The following FBXO7 variants were observed in gnomAD, a reference collection of about 807,000 sequenced individuals.
FBXO7 encodes the protein F-box protein 7.
A neutral mutation model predicts 50.2 loss-of-function variants in FBXO7; 31 were observed. The ratio of observed to expected loss-of-function variants is 0.62; its 90% CI spans 0.46 to 0.83. FBXO7 has a LOEUF of 0.83. FBXO7 is among the 40% of genes least tolerant of loss of function. The pLI, the probability that FBXO7 is intolerant of heterozygous loss-of-function variation, is 0.00. For synonymous variants in FBXO7, 256 were observed against 253.1 expected, an observed-to-expected ratio of 1.01 and a Z score of -0.11; for missense variants, 667 against 646.6, an observed-to-expected ratio of 1.03 and a Z score of -0.34.
chr22:32,491,094 G>T lies in FBXO7; in HGVS notation c.880G>T (p.Val294Leu), dbSNP rs1405706757. The T allele has an allele frequency of 6.2e-7, 1 of 1,611,598 alleles. No homozygotes were observed. The highest frequency in any genetic ancestry group is 1.3e-5 in the African/African-American group (1 of 74,862). ...FICKEKLGEN[V>L]ANIYKDLQKL... ...TTTAAAAAATATTCTAGGGGAAAATGTAGCCAACATATACAAAGATCTTCA... is the reference window on the plus strand; with the variant it reads ...TTTAAAAAATATTCTAGGGGAAAATTTAGCCAACATATACAAAGATCTTCA... The change falls in exon 6 of 9, where the codon GTA becomes TTA. Residue 294 changes from valine (V) to leucine (L), a missense_variant. By Grantham distance (32) the Val-to-Leu change is conservative (BLOSUM62 1). Coordinates refer to ENST00000266087, the MANE Select transcript of FBXO7 (RefSeq NM_012179.4).
At chr22:32,491,038 T>G (rs780890626) in intron 5 of FBXO7, 48 bp from the exon 6 acceptor site, 1 of 1,366,826 alleles carries the variant, frequency 7.3e-7, no homozygotes, top group Non-Finnish European at 1.0e-6. Flanking sequence ...AGAGGACAGT[T>G]TTTTCACTTG....
intron 2 of FBXO7, among the ~76,000 whole-genome samples, chr22:32,482,373 A>G (rs144054290): frequency 6.6e-6 from 1 of 152,202 alleles, no homozygotes; most frequent in Non-Finnish European, 1.5e-5. Context: ...AACCTTTTAC[A>G]TATACTGTGT....
intron 8 of FBXO7, among the ~76,000 whole-genome samples, chr22:32,496,664 A>G (rs1217189438): frequency 6.6e-6 from 1 of 152,238 alleles, no homozygotes; most frequent in Non-Finnish European, 1.5e-5. Context: ...ACTACTGCTC[A>G]TTGACAATGC....
intron 1 of FBXO7, 153 bp downstream of exon 1, chr22:32,475,277 C>T: frequency 6.3e-7 from 1 of 1,585,510 alleles, no homozygotes; most frequent in Admixed American, 1.8e-5. Flanking sequence ...CACGGGAGGC[C>T]CGGGCTCTTC....
intron 8 of FBXO7, among the ~76,000 whole-genome samples, chr22:32,496,944 T>G (rs1031104772): frequency 6.6e-6 from 1 of 152,190 alleles, no homozygotes; most frequent in African/African-American, 2.4e-5. Context: ...GATAAAAATA[T>G]CAACAGGAGT....
chr22:32,490,690 C>T (rs947876804), intron 5 of FBXO7: 2 of 186,144 alleles, frequency 1.1e-5, no homozygotes, highest in African/African-American at 4.8e-5. Flanking sequence ...GATACATAGT[C>T]ATCATGCGAT....
chr22:32,485,150 G>A lies in FBXO7; in HGVS notation c.728G>A (p.Cys243Tyr), dbSNP rs758075327. The A allele has an allele frequency of 5.0e-6, 8 of 1,614,192 alleles. No individual in the cohort carries two copies. The highest frequency in any genetic ancestry group is 4.4e-5 in the South Asian group (4 of 91,086). Residue 243 changes from cysteine to tyrosine, a missense_variant, in exon 4 of 9, where the codon TGC (cysteine) becomes TAC (tyrosine). Coordinates refer to ENST00000266087, the MANE Select transcript of FBXO7 (RefSeq NM_012179.4). ...VYKLQYMHPL[C>Y]EGSSATLTCV... is the part of the protein sequence containing the mutation. Reference sequence around the variant, plus strand: ...AAGCTGCAGTACATGCATCCTCTCTGCGAGGGCAGCTCCGCTACTCTCACC... The same window carrying A: ...AAGCTGCAGTACATGCATCCTCTCTACGAGGGCAGCTCCGCTACTCTCACC...
At chr22:32,480,317 C>T (rs1031317559) in intron 2 of FBXO7, among the ~76,000 whole-genome samples, 2 of 152,148 alleles carry the variant, frequency 1.3e-5, no homozygotes, top group African/African-American at 4.8e-5. Flanking sequence ...ACCTAGTGCT[C>T]AAGGCTTTCT....
At chr22:32,482,296 C>G (rs975673640) in intron 2 of FBXO7, among the ~76,000 whole-genome samples, 2 of 152,134 alleles carry the variant, frequency 1.3e-5, no homozygotes, top group Non-Finnish European at 2.9e-5. Context: ...TTCCATAAGC[C>G]CTAGGGCTTA....
chr22:32,485,083 G>A lies in FBXO7; in HGVS notation c.661G>A (p.Ala221Thr), dbSNP rs901331947. Reference protein sequence around the residue: ...GYIPQGTEAKALSMPEKWKLS... With the variant: ...GYIPQGTEAKTLSMPEKWKLS... ...CGTTCCCCAGGGCACCGAAGCCAAA[G>A]CACTGTCCATGCCGGAGAAGTGGAA... is the stretch of plus-strand genomic sequence containing the variant. The change falls in exon 4 of 9, where the codon GCA becomes ACA. Residue 221 changes from alanine to threonine, a missense_variant. Ala to Thr is a moderately conservative substitution (Grantham distance 58, BLOSUM62 0). Coordinates refer to ENST00000266087, the MANE Select transcript of FBXO7 (RefSeq NM_012179.4). 2 of 1,614,150 alleles carry A rather than the reference G, an allele frequency of 1.2e-6. No homozygotes were observed. The highest frequency in any genetic ancestry group is 1.7e-6 in the Non-Finnish European group (2 of 1,180,024).
At position 32,498,224 on chromosome 22, in the gene FBXO7, C is replaced by T. The variant is rs774194330; in HGVS notation, c.1263C>T (p.Thr421=). 1 of 1,614,224 alleles carries T rather than the reference C, an allele frequency of 6.2e-7. No homozygotes were observed. The change falls in exon 9 of 9, where the codon ACC becomes ACT. Residue 421 remains threonine, a synonymous_variant. Coordinates refer to ENST00000266087, the MANE Select transcript of FBXO7 (RefSeq NM_012179.4). The part of the protein sequence containing the change: ...FVMLLPSSTH[T]IPFYPNPLHP... ...TGCTCCTGCCATCGTCAACTCACAC[C>T]ATTCCATTCTATCCCAACCCCTTGC...
In FBXO7 at chr22:32,479,063, G is replaced by A. The variant is rs199881041; in HGVS notation, c.205G>A (p.Val69Ile). Reference sequence around the variant, plus strand: ...AGAGACCTTGGCTTCATATGGGATTGTTTCTGGGGACTTGATATGTTTGAT... The same window carrying A: ...AGAGACCTTGGCTTCATATGGGATTATTTCTGGGGACTTGATATGTTTGAT... ...DEETLASYGI[V>I]SGDLICLILQ... The change falls in exon 2 of 9, where the codon GTT becomes ATT. Residue 69 changes from valine (V) to isoleucine (I), a missense_variant. By Grantham distance (29) the Val-to-Ile change is conservative. Transcript: ENST00000266087. 1.2e-5 allele frequency: 19 copies of A among 1,614,186 alleles called. No individual in the cohort carries two copies. Among genetic ancestry groups the A allele is most frequent in the Non-Finnish European group, 1.6e-5 (19 of 1,180,020 alleles).
chr22:32,491,322 T>C, intron 6 of FBXO7, 141 bp downstream of exon 6: 1 of 650,920 alleles, frequency 1.5e-6, no homozygotes, highest in East Asian at 2.8e-5. Context: ...AGCTTAATAT[T>C]CCTTAAGTGC....
Position 32,498,134 on chromosome 22 carries a change from T to C in FBXO7, c.1183-10T>C. 1 of 1,614,118 alleles carries C rather than the reference T, an allele frequency of 6.2e-7. No homozygotes were observed. The highest frequency in any genetic ancestry group is 8.5e-7 in the Non-Finnish European group (1 of 1,179,990). ...CTTATCTTGTTCTTTTATTTTTCTT[T>C]TTTCTACAGCTGTACAGGAAGAGGC... On this transcript the variant is annotated splice_polypyrimidine_tract_variant and intron_variant, in intron 8 of 8. Coordinates refer to ENST00000266087, the MANE Select transcript of FBXO7 (RefSeq NM_012179.4).
chr22:32,475,282 C>T (rs2057419336), intron 1 of FBXO7, 158 bp downstream of exon 1: 1 of 1,589,462 alleles, frequency 6.3e-7, no homozygotes, highest in Non-Finnish European at 8.5e-7. Context: ...GAGGCCCGGG[C>T]TCTTCCGGGC....
In FBXO7 at chr22:32,474,901, C is replaced by T. The variant is rs1030317713; in HGVS notation, c.-102C>T. On this transcript the variant is annotated 5_prime_UTR_variant, in exon 1 of 9. Coordinates refer to ENST00000266087, the MANE Select transcript of FBXO7 (RefSeq NM_012179.4). ...AGCTACCCCTCAGCTCCGGTAGTCG[C>T]CAGTCCGGGGTCGTCGCCGTTTGGG... The T allele has an allele frequency of 8.3e-7, 1 of 1,202,284 alleles. No individual in the cohort carries two copies. The highest frequency in any genetic ancestry group is 1.1e-6 in the Non-Finnish European group (1 of 887,568). 74.5% of individuals were successfully genotyped at this position (1,202,284 alleles called of 1,614,324 possible). A position where few individuals can be genotyped will look rare whatever the true frequency, so the allele number is the denominator to read the frequency against.
intron 4 of FBXO7, 71 bp downstream of exon 4, chr22:32,485,280 C>T (rs1311217314): frequency 6.3e-7 from 1 of 1,580,828 alleles, no homozygotes; most frequent in Non-Finnish European, 8.7e-7. Flanking sequence ...TGTTTTATAG[C>T]CACTTCAGTG....
At chr22:32,494,558 G>C (rs747100543) in intron 7 of FBXO7, among the ~76,000 whole-genome samples, 1 of 151,902 alleles carries the variant, frequency 6.6e-6, no homozygotes, top group Admixed American at 6.6e-5. Context: ...GTCTTGCAGT[G>C]TTGCTCAGGC....
rs3788451 is a variant in FBXO7, at chr22:32,494,756, G to A, written c.1145-737G>A. Among the ~76,000 whole-genome samples the A allele has an allele frequency of 1.4e-4, 22 of 151,958 alleles. No homozygotes were observed. The East Asian group carries it at 2.5e-3, about 17-fold the overall frequency. On this transcript the variant is annotated intron_variant, in intron 7 of 8. Coordinates refer to ENST00000266087, the MANE Select transcript of FBXO7 (RefSeq NM_012179.4). ...ATTATTCTTTAATTTTTAGATTGTG[G>A]CCCACAAGCTCATTTGTAAGCTGTT...
Sources: gnomAD v4.1 joint callset for allele counts (sites outside exome capture counted in the v4.1 genomes callset) on GRCh38, gnomAD v4.1.1 for gene constraint, MANE v1.5 for transcripts, NCBI Gene and HGNC (gene_info 2026-07-23, HGNC 2026-07-21) for gene names.